Variants in SV2B observed in about 807,000 individuals in gnomAD.
The protein encoded by SV2B is solute carrier family 22 member B2.
SV2B carries 41 observed loss-of-function variants against 73.9 expected under a neutral mutation model. The ratio of observed to expected loss-of-function variants is 0.56; its 90% CI spans 0.43 to 0.72. The LOEUF (loss-of-function observed/expected upper bound fraction) is 0.72, where lower values mean the gene tolerates loss of function less well. Among genes scored for constraint, SV2B ranks in the 30% least tolerant of loss-of-function variants. The pLI, the probability that SV2B is intolerant of heterozygous loss-of-function variation, is 0.00. For synonymous variants in SV2B, 314 were observed against 314.2 expected, an observed-to-expected ratio of 1.00 and a Z score of 0.01; for missense variants, 764 against 857.8, an observed-to-expected ratio of 0.89 and a Z score of 1.37.
At chr15:91,179,105 T>C (rs992254073) in intron 1 of SV2B, among the ~76,000 whole-genome samples, 5 of 152,038 alleles carry the variant, frequency 3.3e-5, no homozygotes, top group Non-Finnish European at 7.4e-5. Flanking sequence ...TTTGTTCTCG[T>C]TGGTTTCAAA....
chr15:91,155,723 A>T (rs990651896), intron 1 of SV2B, among the ~76,000 whole-genome samples: 2 of 152,170 alleles, frequency 1.3e-5, no homozygotes, highest in African/African-American at 4.8e-5. Context: ...AAAACTGGTG[A>T]GTCAAACTGC....
chr15:91,298,356 T>A lies in SV2B; in HGVS notation c.*5804T>A, dbSNP rs2049324290. The A allele has an allele frequency of 1.3e-5, 2 of 152,206 alleles. No homozygotes were observed. The highest frequency in any genetic ancestry group is 4.8e-5 in the African/African-American group (2 of 41,458). The allele number at this position is 152,206 out of a possible 1,614,324, so 9.4% of individuals were successfully genotyped here. A position where few individuals can be genotyped will look rare whatever the true frequency, so the allele number is the denominator to read the frequency against. On this transcript the variant is annotated 3_prime_UTR_variant, in exon 13 of 13. Coordinates refer to ENST00000394232, the MANE Select transcript of SV2B (RefSeq NM_001323032.3). This position sits in a 1 kb window ranked among gnomAD's most constrained non-coding sequence, Gnocchi z 5.4. Reference sequence around the variant, plus strand: ...CCCAGCTCTAAGAACCGTTTGGAAATAAATCACATAGAGCCTTTGATTGTG... The same window carrying A: ...CCCAGCTCTAAGAACCGTTTGGAAAAAAATCACATAGAGCCTTTGATTGTG...
intron 1 of SV2B, among the ~76,000 whole-genome samples, chr15:91,169,563 G>A (rs1024384841): frequency 1.3e-5 from 2 of 152,004 alleles, no homozygotes; most frequent in East Asian, 1.9e-4. Context: ...CTACTCGCTC[G>A]ACAAGTATGT....
chr15:91,158,484 G>A (rs1024064004), intron 1 of SV2B, among the ~76,000 whole-genome samples: 8 of 151,868 alleles, frequency 5.3e-5, no homozygotes, highest in Admixed American at 6.6e-5. Context: ...TCCAGGAAGC[G>A]GAGTGACCAG....
chr15:91,134,884 C>T (rs1184309182), intron 1 of SV2B, among the ~76,000 whole-genome samples: 3 of 152,174 alleles, frequency 2.0e-5, no homozygotes, highest in African/African-American at 7.2e-5. Flanking sequence ...CTCAGCCTAC[C>T]TCTTTACCCA....
At chr15:91,181,496 A>G (rs1478372513) in intron 1 of SV2B, among the ~76,000 whole-genome samples, 2 of 151,800 alleles carry the variant, frequency 1.3e-5, no homozygotes, top group Non-Finnish European at 2.9e-5. Context: ...ATTTTCTTAC[A>G]TTAATTTGCA....
At position 91,220,518 on chromosome 15, in the gene SV2B, A is replaced by G. The variant is rs2046178322; in HGVS notation, c.-391-5355A>G. ...TACAGAACAGATTTTGGGAAGCATTACATCATTTGATTGTAATATTTTTAA... is the reference window on the plus strand; with the variant it reads ...TACAGAACAGATTTTGGGAAGCATTGCATCATTTGATTGTAATATTTTTAA... On this transcript the variant is annotated intron_variant, in intron 1 of 12. Coordinates refer to ENST00000394232, the MANE Select transcript of SV2B (RefSeq NM_001323032.3). This position sits in a 1 kb window ranked among gnomAD's most constrained non-coding sequence, Gnocchi z 4.1. Among the ~76,000 whole-genome samples the G allele has an allele frequency of 6.6e-6, 1 of 152,274 alleles. No homozygotes were observed. The highest frequency in any genetic ancestry group is 2.4e-5 in the African/African-American group (1 of 41,476).
chr15:91,190,424 T>A (rs2044965678), intron 1 of SV2B, among the ~76,000 whole-genome samples: 1 of 152,162 alleles, frequency 6.6e-6, no homozygotes, highest in South Asian at 2.1e-4. Context: ...AAATGCGCAT[T>A]ATTTTTTTGT....
chr15:91,120,088 G>A (rs745392371), intron 1 of SV2B, among the ~76,000 whole-genome samples: 41 of 151,970 alleles, frequency 2.7e-4, no homozygotes, highest in African/African-American at 8.9e-4. Context: ...CAGCCTGGGC[G>A]CCAGAGCAAG....
chr15:91,171,961 G>A (rs967162938), intron 1 of SV2B, among the ~76,000 whole-genome samples: 2 of 152,018 alleles, frequency 1.3e-5, no homozygotes, highest in African/African-American at 4.8e-5. Flanking sequence ...TCACTCTGTT[G>A]GATAAAAACC....
intron 2 of SV2B, among the ~76,000 whole-genome samples, chr15:91,244,457 G>C (rs1339209059): frequency 6.6e-6 from 1 of 152,222 alleles, no homozygotes; most frequent in Non-Finnish European, 1.5e-5. Flanking sequence ...GGTGATTCTA[G>C]ATTGGTTTCC....
At chr15:91,155,612 A>G (rs547388772) in intron 1 of SV2B, among the ~76,000 whole-genome samples, 48 of 152,124 alleles carry the variant, frequency 3.2e-4, no homozygotes, top group African/African-American at 1.2e-3. Flanking sequence ...TGAGTGTTTT[A>G]CCAGAGATCC....
chr15:91,204,642 G>A (rs934772865), intron 1 of SV2B, among the ~76,000 whole-genome samples: 4 of 143,462 alleles, frequency 2.8e-5, no homozygotes, highest in African/African-American at 1.0e-4. Context: ...CTGTAGCCTT[G>A]AACCTCCTGG....
rs2049468210 is a variant in SV2B at position 91,302,360 on chromosome 15, GGA to G, written c.*9813_*9814del. ...TTTAAAACTTTAGTAACCTGATGAT[GGA>G]GAGATCTGGGGGGTGCAGAGGAGGG... On this transcript the variant is annotated 3_prime_UTR_variant, in exon 13 of 13. Coordinates refer to ENST00000394232, the MANE Select transcript of SV2B (RefSeq NM_001323032.3). Among the ~76,000 whole-genome samples the G allele has an allele frequency of 6.6e-6, 1 of 152,166 alleles. No homozygotes were observed. Among genetic ancestry groups the G allele is most frequent in the Non-Finnish European group, 1.5e-5 (1 of 68,026 alleles).
chr15:91,185,043 G>A (rs978411278), intron 1 of SV2B, among the ~76,000 whole-genome samples: 1 of 152,190 alleles, frequency 6.6e-6, no homozygotes, highest in African/African-American at 2.4e-5. Flanking sequence ...TGAAACAGAT[G>A]TTCTGTCCAT....
At chr15:91,174,899 G>A (rs28479583) in intron 1 of SV2B, among the ~76,000 whole-genome samples, 67,467 of 152,018 alleles carry the variant, frequency 0.44, 17,752 homozygotes, top group African/African-American at 0.72. Flanking sequence ...CGTCGTCTTG[G>A]TCTGGGGTCC....
At chr15:91,264,442 A>G (rs929881564) in intron 6 of SV2B, among the ~76,000 whole-genome samples, 1 of 152,238 alleles carries the variant, frequency 6.6e-6, no homozygotes, top group Non-Finnish European at 1.5e-5. Context: ...AGCAGAGCAG[A>G]GAAAGCATTT....
intron 1 of SV2B, among the ~76,000 whole-genome samples, chr15:91,189,309 C>G (rs956966060): frequency 6.6e-6 from 1 of 152,162 alleles, no homozygotes; most frequent in Non-Finnish European, 1.5e-5. Context: ...CTTTCGTAGG[C>G]ATCCATTCCA....
chr15:91,285,229 G>A (rs1435357532), intron 11 of SV2B, among the ~76,000 whole-genome samples: 3 of 152,180 alleles, frequency 2.0e-5, no homozygotes, highest in South Asian at 2.1e-4. Flanking sequence ...CATATTCAGC[G>A]TGGTAAGCGT....
Sources: allele counts gnomAD v4.1 joint callset (sites outside exome capture counted in the v4.1 genomes callset), GRCh38; gene constraint gnomAD v4.1.1; non-coding constraint Gnocchi (gnomAD v3.1); transcripts MANE v1.5; gene names NCBI Gene and HGNC (gene_info 2026-07-23, HGNC 2026-07-21).